The following NALCN variants were observed in gnomAD, a reference collection of about 807,000 sequenced individuals.
NALCN encodes sodium leak channel NALCN.
In NALCN, 111 loss-of-function variants were observed where a neutral mutation model predicts 225.3. That is an observed-to-expected ratio of 0.49 (90% confidence interval 0.42 to 0.58). The LOEUF (loss-of-function observed/expected upper bound fraction) is 0.58, where lower values mean the gene tolerates loss of function less well. Ranked by LOEUF, NALCN falls within the 20% of genes least tolerant of loss-of-function variation. The pLI is 0.00. For missense variants in NALCN, 1,378 were observed against 2,202.4 expected (o/e 0.63, Z 7.49); for synonymous variants, 764 against 769.0 (o/e 0.99, Z 0.11).
intron 17 of NALCN, among the ~76,000 whole-genome samples, chr13:101,141,734 C>T (rs557373627): frequency 1.3e-5 from 2 of 152,150 alleles, no homozygotes; most frequent in African/African-American, 4.8e-5. Flanking sequence ...CCAAAGGGTT[C>T]ATCCCTGTGG....
At chr13:101,150,895 C>T (rs1319669157) in intron 15 of NALCN, among the ~76,000 whole-genome samples, 1 of 151,832 alleles carries the variant, frequency 6.6e-6, no homozygotes, top group African/African-American at 2.4e-5. Context: ...TGTAGAGAAT[C>T]CTAGGATTTT....
At chr13:101,153,325 C>T (rs2037744015) in intron 15 of NALCN, among the ~76,000 whole-genome samples, 1 of 152,176 alleles carries the variant, frequency 6.6e-6, no homozygotes, top group Admixed American at 6.5e-5. Flanking sequence ...TGACTGCTTG[C>T]TCTACAGGAG....
intron 1 of NALCN, among the ~76,000 whole-genome samples, chr13:101,403,207 C>T (rs1163159312): frequency 1.3e-5 from 2 of 152,176 alleles, no homozygotes; most frequent in Admixed American, 6.5e-5. Context: ...GTATCAGGCA[C>T]TGCGGTATGT....
chr13:101,079,145 A>G (rs1366843123), intron 34 of NALCN, among the ~76,000 whole-genome samples: 1 of 152,140 alleles, frequency 6.6e-6, no homozygotes, highest in African/African-American at 2.4e-5. Context: ...TTTATAAATT[A>G]CCCAGTTTTG....
At chr13:101,111,301 A>G (rs2035423909) in intron 18 of NALCN, 75 bp from the exon 19 acceptor site, 2 of 1,258,574 alleles carry the variant, frequency 1.6e-6, no homozygotes, top group Non-Finnish European at 2.2e-6. Flanking sequence ...AGTGCTCATT[A>G]CTTTTATTAT....
At chr13:101,164,151 G>A (rs773247547) in intron 15 of NALCN, among the ~76,000 whole-genome samples, 3 of 152,228 alleles carry the variant, frequency 2.0e-5, no homozygotes, top group Non-Finnish European at 2.9e-5. Flanking sequence ...GGGCTTCCAC[G>A]TACCTATTTG....
At chr13:101,376,157 T>C (rs940117331) in intron 6 of NALCN, among the ~76,000 whole-genome samples, 3 of 152,108 alleles carry the variant, frequency 2.0e-5, no homozygotes, top group African/African-American at 7.2e-5. Flanking sequence ...AAATGAGCTT[T>C]TTTTCCCGAA....
intron 40 of NALCN, among the ~76,000 whole-genome samples, chr13:101,062,653 G>C (rs562822237): frequency 1.3e-5 from 2 of 152,188 alleles, no homozygotes; most frequent in South Asian, 4.2e-4. Flanking sequence ...GACCAGGCTG[G>C]AGTGTAATGG....
At chr13:101,236,416 T>G (rs544361680) in intron 12 of NALCN, among the ~76,000 whole-genome samples, 317 of 152,196 alleles carry the variant, frequency 2.1e-3, no homozygotes, top group Non-Finnish European at 2.3e-3. Context: ...TTACTGGGTA[T>G]ATACCCAAAG....
intron 9 of NALCN, among the ~76,000 whole-genome samples, chr13:101,287,075 A>G (rs2043366212): frequency 6.6e-6 from 1 of 152,236 alleles, no homozygotes; most frequent in South Asian, 2.1e-4. Context: ...AAAAATTGCC[A>G]TAATGCCTCA....
In NALCN at chr13:101,149,796, C is replaced by T. The variant is rs563279149; in HGVS notation, c.1840-4900G>A. Among the ~76,000 whole-genome samples, 579 of 152,292 alleles carry T rather than the reference C, an allele frequency of 3.8e-3. 2 individuals are homozygous for T. The highest frequency in any genetic ancestry group is 0.011 in the South Asian group (53 of 4,824). On this transcript the variant is annotated intron_variant, in intron 15 of 43. Transcript: ENST00000251127. ...GAATCAAACCTCCTAAAAGCAAGGACTTGTTCTTCTGGACAGCAGTTCCCA... is the reference window on the plus strand; with the variant it reads ...GAATCAAACCTCCTAAAAGCAAGGATTTGTTCTTCTGGACAGCAGTTCCCA...
At chr13:101,095,862 G>A (rs904276982) in intron 27 of NALCN, among the ~76,000 whole-genome samples, 182 bp from the exon 28 acceptor site, 5 of 152,084 alleles carry the variant, frequency 3.3e-5, no homozygotes, top group Admixed American at 6.5e-5. Context: ...GTTAAAAATC[G>A]ATGCTGAGAA....
chr13:101,409,370 C>T (rs2047713917), intron 1 of NALCN, among the ~76,000 whole-genome samples: 1 of 152,154 alleles, frequency 6.6e-6, no homozygotes, highest in Non-Finnish European at 1.5e-5. Context: ...TAACTACAGG[C>T]ACAATGTCAT....
intron 13 of NALCN, among the ~76,000 whole-genome samples, chr13:101,226,335 T>G (rs1285011482): frequency 1.3e-5 from 2 of 152,104 alleles, no homozygotes; most frequent in African/African-American, 4.8e-5. Context: ...AGCTCCCCAC[T>G]TCCTACACCC....
At chr13:101,319,294 C>A (rs2044663454) in intron 7 of NALCN, among the ~76,000 whole-genome samples, 1 of 152,172 alleles carries the variant, frequency 6.6e-6, no homozygotes, top group South Asian at 2.1e-4. Flanking sequence ...CCTCCTGCAG[C>A]CTCTCCCACC....
chr13:101,342,323 G>T (rs1179431551), intron 7 of NALCN, among the ~76,000 whole-genome samples: 1 of 152,074 alleles, frequency 6.6e-6, no homozygotes, highest in Non-Finnish European at 1.5e-5. Context: ...GGTTCCCCAG[G>T]TCATCCTAAG....
At chr13:101,124,579 A>T in intron 18 of NALCN, 29 bp downstream of exon 18, 1 of 1,580,192 alleles carries the variant, frequency 6.3e-7, no homozygotes, top group Non-Finnish European at 8.7e-7. Context: ...ACTTGTGTTT[A>T]AATATGTGTC....
intron 10 of NALCN, among the ~76,000 whole-genome samples, chr13:101,271,889 G>A (rs1331075874): frequency 8.6e-6 from 1 of 115,874 alleles, no homozygotes; most frequent in Non-Finnish European, 1.7e-5. Flanking sequence ...ATGCATGTGT[G>A]CATATGTGTG....
intron 14 of NALCN, 106 bp from the exon 15 acceptor site, chr13:101,176,480 A>C: frequency 1.5e-6 from 1 of 655,984 alleles, no homozygotes; most frequent in Non-Finnish European, 2.2e-6. Flanking sequence ...TAATTCATTA[A>C]ATGCAAAATA....
Sources: allele counts gnomAD v4.1 joint callset (sites outside exome capture counted in the v4.1 genomes callset), GRCh38; gene constraint gnomAD v4.1.1; transcripts MANE v1.5; gene names NCBI Gene and HGNC (gene_info 2026-07-23, HGNC 2026-07-21).